TBC1D12: variants seen among roughly 807,000 people sequenced by gnomAD.
TBC1D12 encodes the protein TBC1 domain family, member 12.
Under a neutral mutation model 86.7 loss-of-function variants are expected in TBC1D12, and 56 were observed. The observed-to-expected ratio is 0.65, with a 90% CI of 0.52 to 0.81. The LOEUF (loss-of-function observed/expected upper bound fraction) is 0.81, where lower values mean the gene tolerates loss of function less well. Among genes scored for constraint, TBC1D12 ranks in the 30% least tolerant of loss-of-function variants. The pLI is 0.00. For missense variants in TBC1D12, 1,023 were observed against 1,038.8 expected (o/e 0.98, Z 0.21); for synonymous variants, 421 against 411.7 (o/e 1.02, Z -0.27).
At chr10:94,442,109 A>G in intron 2 of TBC1D12, 90 bp downstream of exon 2, 2 of 1,319,748 alleles carry the variant, frequency 1.5e-6, no homozygotes, top group Non-Finnish European at 2.0e-6. Flanking sequence ...TAAACTAACC[A>G]TATTCTATTT....
At chr10:94,520,609 G>A (rs1344736546) in intron 9 of TBC1D12, among the ~76,000 whole-genome samples, 1 of 151,944 alleles carries the variant, frequency 6.6e-6, no homozygotes, top group East Asian at 1.9e-4. Context: ...GTGATTGTAG[G>A]CATCCCTTTC....
chr10:94,418,020 C>T (rs1474430810), intron 1 of TBC1D12, among the ~76,000 whole-genome samples: 1 of 152,050 alleles, frequency 6.6e-6, no homozygotes, highest in African/African-American at 2.4e-5. Context: ...TCCCAAAGTG[C>T]GGAGATTACA....
intron 9 of TBC1D12, among the ~76,000 whole-genome samples, chr10:94,513,075 C>T (rs1433618699): frequency 2.0e-5 from 3 of 151,880 alleles, no homozygotes; most frequent in Non-Finnish European, 4.4e-5. Flanking sequence ...GGTGAAACCT[C>T]GTCTCTACTG....
intron 1 of TBC1D12, among the ~76,000 whole-genome samples, chr10:94,418,437 A>C (rs551742973): frequency 6.6e-6 from 1 of 152,290 alleles, no homozygotes; most frequent in South Asian, 2.1e-4. Context: ...CCTTAATGCT[A>C]TTGCTAGTTT....
chr10:94,465,474 C>T (rs2055792482), intron 2 of TBC1D12, among the ~76,000 whole-genome samples: 1 of 151,878 alleles, frequency 6.6e-6, no homozygotes, highest in Non-Finnish European at 1.5e-5. Flanking sequence ...GGTGAAAAGC[C>T]ATCTCTACTA....
chr10:94,466,500 G>A lies in TBC1D12; in HGVS notation c.1096-8168G>A, dbSNP rs184005904. 2.6e-5 allele frequency among the ~76,000 whole-genome samples: 4 copies of A among 152,042 alleles called. No individual in the cohort carries two copies. The East Asian group carries it at 7.7e-4, about 29-fold the overall frequency. On this transcript the variant is annotated intron_variant, in intron 2 of 12. Coordinates refer to ENST00000225235, the MANE Select transcript of TBC1D12 (RefSeq NM_015188.2). ...CACAGCATTTTAATTCTTACTGAAA[G>A]GCTGGATTTTATTATTAGCAACACT...
In TBC1D12 at chr10:94,521,951, G is replaced by T; in HGVS notation, c.1762-4G>T. On this transcript the variant is annotated splice_polypyrimidine_tract_variant and splice_region_variant and intron_variant, in intron 9 of 12. Transcript: ENST00000225235. ...ATTTTGACTAAATTTTTCTCCCTTT[G>T]AAGGTCCAAGGGATGTCCTTCATTG... is the stretch of plus-strand genomic sequence containing the variant. 1 of 1,578,510 alleles carries T rather than the reference G, an allele frequency of 6.3e-7. No homozygotes were observed. The highest frequency in any genetic ancestry group is 1.2e-5 in the South Asian group (1 of 85,250).
intron 2 of TBC1D12, among the ~76,000 whole-genome samples, chr10:94,470,661 C>T (rs2055890700): frequency 6.6e-6 from 1 of 150,702 alleles, no homozygotes; most frequent in South Asian, 2.1e-4. Context: ...CTGTGCCCAG[C>T]CGTATTATTT....
At chr10:94,517,640 A>G (rs1842034221) in intron 9 of TBC1D12, among the ~76,000 whole-genome samples, 1 of 152,212 alleles carries the variant, frequency 6.6e-6, no homozygotes, top group Admixed American at 6.5e-5. Flanking sequence ...AGGCTCACTG[A>G]CAAACCAGTC....
At chr10:94,477,368 G>A (rs1163745031) in intron 3 of TBC1D12, among the ~76,000 whole-genome samples, 2 of 152,222 alleles carry the variant, frequency 1.3e-5, no homozygotes, top group Non-Finnish European at 2.9e-5. Flanking sequence ...ATTGGAGTAT[G>A]AGGGTGTTTA....
intron 9 of TBC1D12, among the ~76,000 whole-genome samples, chr10:94,514,289 C>T (rs1199312345): frequency 1.3e-5 from 2 of 152,084 alleles, no homozygotes; most frequent in Non-Finnish European, 2.9e-5. Flanking sequence ...GTGGAAAGAT[C>T]GCTAGAGTTC....
Position 94,464,332 on chromosome 10 carries a change from T to C in TBC1D12, c.1096-10336T>C, listed in dbSNP as rs181739610. Among the ~76,000 whole-genome samples the C allele has an allele frequency of 2.5e-3, 382 of 152,346 alleles. 1 individual carries two copies. The highest frequency in any genetic ancestry group is 8.9e-3 in the African/African-American group (372 of 41,588). ...CACTTTTTTTTTCTCCTGCCCTCTT[T>C]TGGGTTGAATGAGTATTTTTGTCAC... On this transcript the variant is annotated intron_variant, in intron 2 of 12. Coordinates refer to ENST00000225235, the MANE Select transcript of TBC1D12 (RefSeq NM_015188.2).
At chr10:94,526,558 CAG>C (rs1026294936) in intron 11 of TBC1D12, among the ~76,000 whole-genome samples, 2 of 152,116 alleles carry the variant, frequency 1.3e-5, no homozygotes, top group Non-Finnish European at 2.9e-5. Context: ...CCACAAATGA[CAG>C]GATTTCATTC....
At chr10:94,475,972 C>T (rs944663808) in intron 3 of TBC1D12, among the ~76,000 whole-genome samples, 8 of 152,008 alleles carry the variant, frequency 5.3e-5, no homozygotes, top group African/African-American at 1.9e-4. Flanking sequence ...CAGAGTCTTG[C>T]TCTGACATCC....
At chr10:94,473,468 G>T (rs1033555799) in intron 2 of TBC1D12, among the ~76,000 whole-genome samples, 9 of 152,126 alleles carry the variant, frequency 5.9e-5, no homozygotes, top group African/African-American at 2.2e-4. Flanking sequence ...GGAGAAATAG[G>T]CTTTGAGTTG....
intron 2 of TBC1D12, among the ~76,000 whole-genome samples, chr10:94,465,248 C>T (rs566627163): frequency 6.6e-6 from 1 of 152,076 alleles, no homozygotes; most frequent in African/African-American, 2.4e-5. Flanking sequence ...GCACCAGATA[C>T]GTAGATCTTC....
At chr10:94,524,811 T>C (rs192385843) in intron 11 of TBC1D12, among the ~76,000 whole-genome samples, 7 of 152,112 alleles carry the variant, frequency 4.6e-5, no homozygotes, top group Admixed American at 4.6e-4. Context: ...TATTTTTTCG[T>C]TCATTAAAAA....
At chr10:94,521,830 GA>G in intron 9 of TBC1D12, 124 bp from the exon 10 acceptor site, 1 of 870,502 alleles carries the variant, frequency 1.1e-6, no homozygotes, top group Non-Finnish European at 1.6e-6. Context: ...TGCTGGGAAG[GA>G]AAAAAGAAAT....
chr10:94,531,025 A>T (rs1262637106), intron 11 of TBC1D12, among the ~76,000 whole-genome samples, 177 bp from the exon 12 acceptor site: 2 of 151,988 alleles, frequency 1.3e-5, no homozygotes, highest in Admixed American at 1.3e-4. Context: ...ATGCCCAGCT[A>T]ATTTTTGTAT....
Sources: gnomAD v4.1 joint callset for allele counts (sites outside exome capture counted in the v4.1 genomes callset) on GRCh38, gnomAD v4.1.1 for gene constraint, MANE v1.5 for transcripts, NCBI Gene and HGNC (gene_info 2026-07-23, HGNC 2026-07-21) for gene names.